The following MAP7D2 variants were observed in gnomAD, a reference collection of about 807,000 sequenced individuals.
MAP7D2 encodes MAP7 domain-containing protein 2.
A neutral mutation model predicts 63.5 loss-of-function variants in MAP7D2; 33 were observed. The observed-to-expected ratio is 0.52, with a 90% CI of 0.39 to 0.70. MAP7D2 has a LOEUF of 0.70. MAP7D2 is among the 30% of genes least tolerant of loss of function. MAP7D2 has a pLI of 0.00. For missense variants in MAP7D2, 626 were observed against 604.0 expected (o/e 1.04, Z -0.38); for synonymous variants, 224 against 223.7 (o/e 1.00, Z -0.01).
At chrX:20,108,080 T>C (rs2066619127) in intron 1 of MAP7D2, among the ~76,000 whole-genome samples, 1 of 111,265 alleles carries the variant, frequency 9.0e-6, no homozygotes. Context: ...AGTCTCTCTT[T>C]TTTACGTTTT....
intron 9 of MAP7D2, 130 bp downstream of exon 9, chrX:20,025,551 G>T: frequency 1.2e-6 from 1 of 832,419 alleles, no homozygotes; most frequent in Non-Finnish European, 1.7e-6. Flanking sequence ...ACCCAAGAAA[G>T]CTGCACGAGG....
chrX:20,116,719 T>G, intron 1 of MAP7D2, 31 bp downstream of exon 1: 1 of 1,127,327 alleles, frequency 8.9e-7, no homozygotes, highest in African/African-American at 1.9e-5. Context: ...CCCGAAGCCC[T>G]CGGGCGCCCG....
Position 20,016,107 on chromosome X carries a change from A to G in MAP7D2, c.1631T>C (p.Met544Thr). ...KQEQEKQEKAMIEKQKEAAET... is the reference protein window; with the variant it reads ...KQEQEKQEKATIEKQKEAAET... ...CTCATACAGTACCTGCTTTTCAATC[A>G]TGGCTTTCTCTTGTTTTTCTTGTTC... The change falls in exon 11 of 17, where the codon ATG (methionine) becomes ACG (threonine). Residue 544 changes from methionine (M) to threonine (T), a missense_variant. Physicochemically the swap from Met to Thr is moderately conservative, Grantham distance 81 (BLOSUM62 -1). Coordinates refer to ENST00000379643, the MANE Select transcript of MAP7D2 (RefSeq NM_001168465.2). The G allele has an allele frequency of 2.5e-6, 3 of 1,210,195 alleles. No homozygotes were observed. The highest frequency in any genetic ancestry group is 3.4e-6 in the Non-Finnish European group (3 of 894,505).
rs146948371 is a variant in MAP7D2, at chrX:20,056,626, T to C, written c.484+54A>G. 1,538 of 1,028,185 alleles carry C rather than the reference T, an allele frequency of 1.5e-3. 21 individuals are homozygous for C. In the East Asian group the frequency reaches 0.033, roughly 22 times the overall value. 84.7% of individuals were successfully genotyped at this position (1,028,185 alleles called of 1,213,427 possible). The stretch of plus-strand genomic sequence containing the variant: ...CCAGTGGTGCCCATAATCCCCTGCC[T>C]GCTCCATTATTTCCCACCCAGGACC... On this transcript the variant is annotated intron_variant, in intron 4 of 16. Transcript: ENST00000379643.
At chrX:20,065,594 G>A (rs1303398459) in intron 1 of MAP7D2, among the ~76,000 whole-genome samples, 2 of 111,389 alleles carry the variant, frequency 1.8e-5, no homozygotes, top group Non-Finnish European at 3.8e-5. Flanking sequence ...CAACGTATGA[G>A]CTCCTTGGGT....
chrX:20,059,637 A>T (rs867682842), intron 3 of MAP7D2, among the ~76,000 whole-genome samples: 2 of 101,497 alleles, frequency 2.0e-5, no homozygotes, highest in African/African-American at 3.7e-5. Context: ...GGTGGAAGGA[A>T]GGAAGGAAGG....
At chrX:20,048,636 A>C (rs747329322) in intron 6 of MAP7D2, among the ~76,000 whole-genome samples, 2 of 110,975 alleles carry the variant, frequency 1.8e-5, no homozygotes, top group East Asian at 5.7e-4. Context: ...CCCTTTAAAA[A>C]GTATACAGGA....
intron 10 of MAP7D2, among the ~76,000 whole-genome samples, chrX:20,021,931 C>T (rs897736687): frequency 1.8e-5 from 2 of 112,041 alleles, no homozygotes; most frequent in Non-Finnish European, 3.8e-5. Context: ...CCTTCTGTTC[C>T]TTTCTTGTAC....
intron 5 of MAP7D2, 130 bp downstream of exon 5, chrX:20,052,747 CA>C: frequency 1.9e-6 from 1 of 523,945 alleles, no homozygotes; most frequent in Non-Finnish European, 3.3e-6. Flanking sequence ...CTCCCACATT[CA>C]GACCACAAGA....
chrX:20,013,670 A>C (rs1190025571), intron 12 of MAP7D2, 45 bp from the exon 13 acceptor site: 1 of 964,914 alleles, frequency 1.0e-6, no homozygotes, highest in East Asian at 3.1e-5. Flanking sequence ...GAGGACAATA[A>C]GACCAAAAAC....
chrX:20,115,045 A>G (rs1408040912), intron 1 of MAP7D2, among the ~76,000 whole-genome samples: 1 of 111,918 alleles, frequency 8.9e-6, no homozygotes, highest in African/African-American at 3.3e-5. Flanking sequence ...TAATGCACAT[A>G]GGTGCTTATT....
At chrX:20,017,183 T>G (rs563361714) in intron 10 of MAP7D2, 1 of 114,224 alleles carries the variant, frequency 8.8e-6, no homozygotes, top group South Asian at 3.6e-4. Flanking sequence ...ACCTGGAAAG[T>G]CACTCAATGT....
At chrX:20,015,805 A>G (rs1236668608) in intron 11 of MAP7D2, among the ~76,000 whole-genome samples, 1 of 112,144 alleles carries the variant, frequency 8.9e-6, no homozygotes, top group Non-Finnish European at 1.9e-5. Context: ...ATGCACTTAC[A>G]TTGGCTTTTC....
At chrX:20,013,197 T>C in intron 13 of MAP7D2, 65 bp from the exon 14 acceptor site, 2 of 831,776 alleles carry the variant, frequency 2.4e-6, no homozygotes, top group South Asian at 4.4e-5. Context: ...AAAAGTACTT[T>C]TTAAAAGCAT....
intron 1 of MAP7D2, among the ~76,000 whole-genome samples, chrX:20,084,896 T>G (rs745542396): frequency 2.7e-4 from 30 of 111,350 alleles, no homozygotes; most frequent in African/African-American, 9.8e-4. Context: ...CTAAACGCCT[T>G]ATTAGTAGTG....
intron 8 of MAP7D2, among the ~76,000 whole-genome samples, chrX:20,035,783 C>T (rs891606549): frequency 5.5e-5 from 6 of 109,993 alleles, no homozygotes; most frequent in East Asian, 5.7e-4. Flanking sequence ...TGTGGTGGCG[C>T]GCACCAGTAG....
intron 1 of MAP7D2, among the ~76,000 whole-genome samples, chrX:20,116,202 C>T (rs966472818): frequency 4.4e-5 from 5 of 113,061 alleles, no homozygotes; most frequent in Non-Finnish European, 7.5e-5. Context: ...GAGGAGCACC[C>T]GGTCCGGGGC....
At chrX:20,067,702 G>A (rs1286448584) in intron 1 of MAP7D2, among the ~76,000 whole-genome samples, 1 of 111,906 alleles carries the variant, frequency 8.9e-6, no homozygotes, top group Non-Finnish European at 1.9e-5. Flanking sequence ...CTCAGTTACC[G>A]CTTTTCTGTG....
At chrX:20,114,773 A>G (rs1384850006) in intron 1 of MAP7D2, among the ~76,000 whole-genome samples, 1 of 112,406 alleles carries the variant, frequency 8.9e-6, no homozygotes, top group South Asian at 3.7e-4. Context: ...TGCAGCCTTG[A>G]CAGCACCCAG....
Sources: gnomAD v4.1 joint callset for allele counts (sites outside exome capture counted in the v4.1 genomes callset) on GRCh38, gnomAD v4.1.1 for gene constraint, MANE v1.5 for transcripts, NCBI Gene and HGNC (gene_info 2026-07-23, HGNC 2026-07-21) for gene names.